Variants in UBR4 observed in about 807,000 individuals in gnomAD.
UBR4 encodes ubiquitin protein ligase E3 component n-recognin 4, also known as E3 ubiquitin-protein ligase UBR4.
UBR4 carries 124 observed loss-of-function variants against 575.6 expected under a neutral mutation model. The observed-to-expected ratio is 0.22, with a 90% CI of 0.19 to 0.25. The LOEUF is 0.25. Among genes scored for constraint, UBR4 ranks in the 10% least tolerant of loss-of-function variants. The probability of loss-of-function intolerance (pLI) is 1.00; values close to 1 mark genes in which losing one functional copy is unlikely to be tolerated. For synonymous variants in UBR4, 2,455 were observed against 2,473.7 expected (o/e 0.99, Z 0.22); for missense variants, 4,818 against 6,478.8 (o/e 0.74, Z 8.80).
chr1:19,200,896 C>T (rs182780873), intron 2 of UBR4, among the ~76,000 whole-genome samples: 9 of 152,326 alleles, frequency 5.9e-5, no homozygotes, highest in Admixed American at 3.3e-4. Context: ...GTAATCCCAG[C>T]ACTTTGGGAG....
At chr1:19,091,575 C>T (rs1170167514) in intron 97 of UBR4, among the ~76,000 whole-genome samples, 2 of 152,194 alleles carry the variant, frequency 1.3e-5, no homozygotes, top group East Asian at 1.9e-4. Context: ...AAAAGACGTT[C>T]AACATCATGA....
At chr1:19,150,165 T>A (rs2085467078) in intron 49 of UBR4, among the ~76,000 whole-genome samples, 1 of 152,134 alleles carries the variant, frequency 6.6e-6, no homozygotes, top group Non-Finnish European at 1.5e-5. Context: ...GGCAATGTTA[T>A]TATCACAGAA....
chr1:19,190,312 A>AAAAAAAAAAAAAAAATATATAT, intron 11 of UBR4, among the ~76,000 whole-genome samples: 5 of 79,920 alleles, frequency 6.3e-5, no homozygotes, highest in East Asian at 5.8e-4. Context: ...AAAAAAAAAA[A>AAAAAAAAAAAAAAAATATATAT]ATATATATAT....
Position 19,152,006 on chromosome 1 carries a change from A to C in UBR4, c.6997-147T>G. On this transcript the variant is annotated intron_variant, in intron 47 of 105. Transcript: ENST00000375254. This position sits in a 1 kb window ranked among gnomAD's most constrained non-coding sequence, Gnocchi z 4.4. ...CTGGTAATGACTTCCTTGTTTCTAAAAATGGGAAAATAGGAAAAGAGAGCA... is the reference window on the plus strand; with the variant it reads ...CTGGTAATGACTTCCTTGTTTCTAACAATGGGAAAATAGGAAAAGAGAGCA... 1 of 866,780 alleles carries C rather than the reference A, an allele frequency of 1.2e-6. No individual in the cohort carries two copies. The highest frequency in any genetic ancestry group is 1.7e-6 in the Non-Finnish European group (1 of 583,058). The allele number at this position is 866,780 out of a possible 1,614,324, so 53.7% of individuals were successfully genotyped here. A position where few individuals can be genotyped will look rare whatever the true frequency, so the allele number is the denominator to read the frequency against.
intron 1 of UBR4, among the ~76,000 whole-genome samples, chr1:19,206,407 C>CT (rs1336357650): frequency 6.6e-6 from 1 of 151,890 alleles, no homozygotes; most frequent in African/African-American, 2.4e-5. Flanking sequence ...CTCACTGCAA[C>CT]TTTCGCCTCC....
Position 19,165,265 on chromosome 1 carries a change from G to A in UBR4, c.4296C>T (p.Thr1432=), listed in dbSNP as rs529211995. ...KFCNRVLKFF[T]KLFQLTEKSP... ...GTCACTCACTCAGCTGGAAGAGTTT[G>A]GTGAAGAATTTCAAAACTCGGTTAC... The change falls in exon 31 of 106, where the codon ACC becomes ACT. Residue 1432 remains threonine, a synonymous_variant. Coordinates refer to ENST00000375254, the MANE Select transcript of UBR4 (RefSeq NM_020765.3). The A allele has an allele frequency of 4.4e-5, 71 of 1,613,834 alleles. 1 individual carries two copies. Among genetic ancestry groups the A allele is most frequent in the Non-Finnish European group, 5.3e-5 (63 of 1,179,830 alleles).
intron 1 of UBR4, among the ~76,000 whole-genome samples, chr1:19,202,570 A>G (rs2092794079): frequency 6.6e-6 from 1 of 152,234 alleles, no homozygotes; most frequent in East Asian, 1.9e-4. Flanking sequence ...TCCAAAATTC[A>G]CTGGATAACA....
intron 91 of UBR4, 52 bp from the exon 92 acceptor site, chr1:19,096,702 A>G (rs376138279): frequency 2.5e-6 from 4 of 1,605,898 alleles, no homozygotes; most frequent in African/African-American, 1.3e-5. Context: ...GAAGATGGGA[A>G]TAAAATAGGC....
At chr1:19,114,540 G>C (rs1352618103) in intron 75 of UBR4, among the ~76,000 whole-genome samples, 2 of 152,196 alleles carry the variant, frequency 1.3e-5, no homozygotes, top group Non-Finnish European at 2.9e-5. Context: ...AAGAAATGCA[G>C]GGCAAAGCAT....
At chr1:19,098,232 A>AC (rs1218632554) in intron 90 of UBR4, among the ~76,000 whole-genome samples, 1 of 152,192 alleles carries the variant, frequency 6.6e-6, no homozygotes, top group Non-Finnish European at 1.5e-5. Context: ...AGAGAGAACC[A>AC]CCACAGACAC....
chr1:19,164,893 T>C lies in UBR4; in HGVS notation c.4417A>G (p.Thr1473Ala). Reference sequence around the variant, plus strand: ...TGATCAGAATCTTTTGGGGGCGATGTAGTCATGCGGGTGAGCCAGGCCTGC... The same window carrying C: ...TGATCAGAATCTTTTGGGGGCGATGCAGTCATGCGGGTGAGCCAGGCCTGC... ...RLQAWLTRMT[T>A]SPPKDSDQLD... Residue 1473 changes from threonine (T) to alanine (A), a missense_variant, in exon 32 of 106, where the codon ACA becomes GCA. Transcript: ENST00000375254. 6.2e-7 allele frequency: 1 copy of C among 1,614,122 alleles called. No homozygotes were observed. The highest frequency in any genetic ancestry group is 1.7e-4 in the Middle Eastern group (1 of 6,060).
chr1:19,099,586 C>A lies in UBR4; in HGVS notation c.13302+11G>T, dbSNP rs776476313. ...GAAACCACACCTCCAAACGAGAAAG[C>A]AGGCACATACCTCATTCGTGGTACA... On this transcript the variant is annotated intron_variant, in intron 90 of 105. Transcript: ENST00000375254. The A allele has an allele frequency of 6.2e-7, 1 of 1,611,678 alleles. No individual in the cohort carries two copies. Among genetic ancestry groups the A allele is most frequent in the East Asian group, 2.2e-5 (1 of 44,862 alleles).
intron 60 of UBR4, among the ~76,000 whole-genome samples, chr1:19,131,437 AG>A: frequency 6.6e-6 from 1 of 152,202 alleles, no homozygotes; most frequent in African/African-American, 2.4e-5. Flanking sequence ...TCATGAAAAA[AG>A]GTTAATTTAA....
At position 19,207,351 on chromosome 1, in the gene UBR4, G is replaced by T. The variant is rs190064294; in HGVS notation, c.176+2722C>A. 3.3e-5 allele frequency among the ~76,000 whole-genome samples: 5 copies of T among 152,358 alleles called. No homozygotes were observed. The East Asian group carries it at 9.6e-4, about 29-fold the overall frequency. Reference sequence around the variant, plus strand: ...GACAAATAAATAAAACCTTTGGGCTGGGTGCAGTGGCTCACGCCTGTAATC... The same window carrying T: ...GACAAATAAATAAAACCTTTGGGCTTGGTGCAGTGGCTCACGCCTGTAATC... On this transcript the variant is annotated intron_variant, in intron 1 of 105. Coordinates refer to ENST00000375254, the MANE Select transcript of UBR4 (RefSeq NM_020765.3).
chr1:19,183,430 T>C (rs1239223383), intron 17 of UBR4, among the ~76,000 whole-genome samples: 1 of 152,172 alleles, frequency 6.6e-6, no homozygotes, highest in Non-Finnish European at 1.5e-5. Flanking sequence ...CCTTAACAAT[T>C]GGAGCTACAG....
intron 1 of UBR4, among the ~76,000 whole-genome samples, chr1:19,204,473 C>T (rs1425514407): frequency 2.6e-5 from 4 of 151,798 alleles, no homozygotes; most frequent in African/African-American, 9.7e-5. Context: ...TACTGCCCAC[C>T]CAAAGGATGG....
Position 19,198,977 on chromosome 1 carries a change from T to C in UBR4, c.379-49A>G, listed in dbSNP as rs754257945. 15 of 1,585,928 alleles carry C rather than the reference T, an allele frequency of 9.5e-6. No individual in the cohort carries two copies. In the South Asian group the frequency reaches 1.5e-4, roughly 16 times the overall value. On this transcript the variant is annotated intron_variant, in intron 3 of 105. Transcript: ENST00000375254. ...AAAAGAAAACAAAAACAAATAGATC[T>C]TTCAGAAAATTCTACTCTTTTGGAA...
In UBR4 at chr1:19,110,064, C is replaced by A. The variant is rs370454181; in HGVS notation, c.12105+32G>T. ...GAATGAGGAGGGTGGCCGCCCTGCC[C>A]TTCCTTGTTAGACCCCTGCTTGGCC... On this transcript the variant is annotated intron_variant, in intron 81 of 105. Transcript: ENST00000375254. This position sits in a 1 kb window ranked among gnomAD's most constrained non-coding sequence, Gnocchi z 4.5. 2.1e-5 allele frequency: 34 copies of A among 1,613,002 alleles called. No individual in the cohort carries two copies. The highest frequency in any genetic ancestry group is 1.8e-4 in the Middle Eastern group (1 of 5,484).
chr1:19,206,858 G>A (rs1246326639), intron 1 of UBR4, among the ~76,000 whole-genome samples: 2 of 151,706 alleles, frequency 1.3e-5, no homozygotes, highest in African/African-American at 2.4e-5. Flanking sequence ...TAAGAAACAG[G>A]GGTTAGACCT....
Sources: allele counts gnomAD v4.1 joint callset (sites outside exome capture counted in the v4.1 genomes callset), GRCh38; gene constraint gnomAD v4.1.1; non-coding constraint Gnocchi (gnomAD v3.1); transcripts MANE v1.5; gene names NCBI Gene and HGNC (gene_info 2026-07-23, HGNC 2026-07-21).